Variants in METTL21C observed in about 807,000 individuals in gnomAD.
METTL21C encodes the protein protein-lysine methyltransferase METTL21C.
METTL21C carries 21 observed loss-of-function variants against 25.9 expected under a neutral mutation model. The observed-to-expected ratio is 0.81, with a 90% CI of 0.58 to 1.17. The LOEUF is 1.17. Ranked by LOEUF, METTL21C falls within the 50% of genes most tolerant of loss-of-function variation. The probability of loss-of-function intolerance (pLI) is 0.00; values close to 1 mark genes in which losing one functional copy is unlikely to be tolerated. For synonymous variants in METTL21C, 125 were observed against 124.7 expected, an observed-to-expected ratio of 1.00 and a Z score of -0.01; for missense variants, 312 against 315.1, an observed-to-expected ratio of 0.99 and a Z score of 0.07.
At chr13:102,696,747 G>C (rs1034153685), upstream of METTL21C, among the ~76,000 whole-genome samples, 30 of 152,156 alleles carry the variant, frequency 2.0e-4, no homozygotes, top group Non-Finnish European at 5.9e-5. Context: ...TTGTTTGCAG[G>C]TGTGAGAAGG....
intron 1 of METTL21C, among the ~76,000 whole-genome samples, chr13:102,693,038 T>C (rs1050141059): frequency 1.3e-5 from 2 of 152,124 alleles, no homozygotes; most frequent in Non-Finnish European, 2.9e-5. Flanking sequence ...ATTGACAGCG[T>C]TTGACGATTG....
chr13:102,697,198 T>C (rs1182429923), upstream of METTL21C, among the ~76,000 whole-genome samples: 1 of 152,184 alleles, frequency 6.6e-6, no homozygotes, highest in Non-Finnish European at 1.5e-5. Flanking sequence ...GCTATTCATG[T>C]GCTGTCACTC....
At chr13:102,702,275 G>A in the METTL21C span, among the ~76,000 whole-genome samples, 1 of 151,708 alleles carries the variant, frequency 6.6e-6, no homozygotes, top group Non-Finnish European at 1.5e-5. Context: ...TGTGTCCACT[G>A]AAAGCCCACA....
At chr13:102,694,343 G>A in intron 1 of METTL21C, 26 bp downstream of exon 1, 1 of 1,595,852 alleles carries the variant, frequency 6.3e-7, no homozygotes, top group East Asian at 2.3e-5. Flanking sequence ...GAGGAAAACT[G>A]TTGAAGTGAT....
At chr13:102,703,963 A>G in the METTL21C span, among the ~76,000 whole-genome samples, 1 of 152,226 alleles carries the variant, frequency 6.6e-6, no homozygotes, top group African/African-American at 2.4e-5. Flanking sequence ...TTTCTCACAC[A>G]AAGACTTTAT....
At chr13:102,697,316 C>A (rs927809208), upstream of METTL21C, among the ~76,000 whole-genome samples, 21 of 151,942 alleles carry the variant, frequency 1.4e-4, no homozygotes, top group Non-Finnish European at 5.9e-5. Flanking sequence ...GGACATTCAG[C>A]AATTTGGGGG....
At chr13:102,696,364 G>T (rs1413578132), upstream of METTL21C, among the ~76,000 whole-genome samples, 2 of 151,692 alleles carry the variant, frequency 1.3e-5, no homozygotes, top group Non-Finnish European at 2.9e-5. Context: ...GGGCCTGTCA[G>T]GGGGTGGGGG....
chr13:102,702,400 G>A, the METTL21C span, among the ~76,000 whole-genome samples: 1 of 152,078 alleles, frequency 6.6e-6, no homozygotes, highest in Non-Finnish European at 1.5e-5. Flanking sequence ...TTGTGTAGAA[G>A]TCTGGACAGT....
chr13:102,696,916 G>A (rs763109053), upstream of METTL21C, among the ~76,000 whole-genome samples: 24 of 152,128 alleles, frequency 1.6e-4, 1 homozygote, highest in Admixed American at 6.5e-5. Context: ...AGGGATTGAC[G>A]GGGGGCAGGG....
At position 102,686,075 on chromosome 13, in the gene METTL21C, C is replaced by G. The variant is rs1885660552; in HGVS notation, c.751G>C (p.Glu251Gln). 2 of 1,607,336 alleles carry G rather than the reference C, an allele frequency of 1.2e-6. No individual in the cohort carries two copies. The highest frequency in any genetic ancestry group is 1.3e-5 in the African/African-American group (1 of 74,816). ...FDTTLLAEYP[E>Q]SSVKLFKGIL... ...CCCTTAAAAAGTTTGACTGATGACT[C>G]TGGATATTCAGCCAACAGTGTTGTG... is the stretch of plus-strand genomic sequence containing the variant. The change falls in exon 4 of 4, where the codon GAG (glutamate) becomes CAG (glutamine). Residue 251 changes from glutamate (E) to glutamine (Q), a missense_variant. Coordinates refer to ENST00000267273, the MANE Select transcript of METTL21C (RefSeq NM_001010977.3).
At chr13:102,692,048 AG>A (rs1182370502) in intron 1 of METTL21C, among the ~76,000 whole-genome samples, 1 of 152,140 alleles carries the variant, frequency 6.6e-6, no homozygotes, top group Admixed American at 6.6e-5. Flanking sequence ...TGCGGAGAGT[AG>A]GGGGGAGGAA....
At chr13:102,697,789 GACGCA>G (rs1165063448), upstream of METTL21C, among the ~76,000 whole-genome samples, 1 of 152,146 alleles carries the variant, frequency 6.6e-6, no homozygotes, top group Non-Finnish European at 1.5e-5. Context: ...AAGGAAAGTG[GACGCA>G]ACCCAGGGAA....
At chr13:102,699,043 C>G (rs1462187234), upstream of METTL21C, among the ~76,000 whole-genome samples, 1 of 152,114 alleles carries the variant, frequency 6.6e-6, no homozygotes, top group East Asian at 1.9e-4. Flanking sequence ...TAAGTTCACC[C>G]CTATAGTCAG....
At chr13:102,703,484 A>G in the METTL21C span, among the ~76,000 whole-genome samples, 1 of 152,212 alleles carries the variant, frequency 6.6e-6, no homozygotes, top group Non-Finnish European at 1.5e-5. Flanking sequence ...TAGTTTTGTC[A>G]AAATAAATGG....
Position 102,694,898 on chromosome 13 carries a change from T to TCACACACA in METTL21C, c.-401_-400insTGTGTGTG, listed in dbSNP as rs1485209052. Reference sequence around the variant, plus strand: ...TTCTCTCTCTCTCTCTCTCTCTCTCTCTCACACACACACACACACACACAC... The same window carrying TCACACACA: ...TTCTCTCTCTCTCTCTCTCTCTCTCTCACACACACTCACACACACACACACACACACAC... On this transcript the variant is annotated 5_prime_UTR_variant, in exon 1 of 4. Transcript: ENST00000267273. Among the ~76,000 whole-genome samples the TCACACACA allele has an allele frequency of 1.4e-5, 2 of 141,654 alleles. No individual in the cohort carries two copies. Among genetic ancestry groups the TCACACACA allele is most frequent in the African/African-American group, 5.3e-5 (2 of 37,550 alleles). The allele number at this position is 141,654 out of a possible 152,430, so 92.9% of individuals were successfully genotyped here. A position where few individuals can be genotyped will look rare whatever the true frequency, so the allele number is the denominator to read the frequency against.
chr13:102,686,202 G>T lies in METTL21C; in HGVS notation c.624C>A (p.Thr208=). ...TCCCTGGCTGGGAAAGGTACACCAT[G>T]GTGGTGAGCAGCTTGTCCAGGAAGT... ...HHYFLDKLLT[T]MVYLSQPGTV... The change falls in exon 4 of 4, where the codon ACC becomes ACA. Residue 208 remains threonine, a synonymous_variant. Coordinates refer to ENST00000267273, the MANE Select transcript of METTL21C (RefSeq NM_001010977.3). 1 of 1,614,214 alleles carries T rather than the reference G, an allele frequency of 6.2e-7. No individual in the cohort carries two copies. The highest frequency in any genetic ancestry group is 1.3e-5 in the African/African-American group (1 of 75,058).
the METTL21C span, among the ~76,000 whole-genome samples, chr13:102,702,748 G>A: frequency 1.1e-4 from 17 of 151,996 alleles, no homozygotes; most frequent in Non-Finnish European, 2.4e-4. Flanking sequence ...GTGCCAACAT[G>A]CCAGGCTAAT....
At chr13:102,697,984 G>A (rs994023757), upstream of METTL21C, among the ~76,000 whole-genome samples, 1 of 152,202 alleles carries the variant, frequency 6.6e-6, no homozygotes, top group Non-Finnish European at 1.5e-5. Context: ...CACATGCAGA[G>A]CAGCAGCCAG....
intron 2 of METTL21C, among the ~76,000 whole-genome samples, chr13:102,689,305 T>G (rs924872152): frequency 2.0e-5 from 3 of 152,218 alleles, no homozygotes; most frequent in African/African-American, 7.2e-5. Context: ...AATAGGAAGC[T>G]GTGAGTAGTT....
Sources: allele counts gnomAD v4.1 joint callset (sites outside exome capture counted in the v4.1 genomes callset), GRCh38; gene constraint gnomAD v4.1.1; transcripts MANE v1.5; gene names NCBI Gene and HGNC (gene_info 2026-07-23, HGNC 2026-07-21).